MAP2: variants seen among roughly 807,000 people sequenced by gnomAD.
MAP2 encodes the protein microtubule associated protein 2, also known as microtubule-associated protein 2.
A neutral mutation model predicts 137.6 loss-of-function variants in MAP2; 14 were observed. The ratio of observed to expected loss-of-function variants is 0.10; its 90% CI spans 0.07 to 0.16. The LOEUF is 0.16. MAP2 is among the 10% of genes least tolerant of loss of function. The probability of loss-of-function intolerance (pLI) is 1.00; values close to 1 mark genes in which losing one functional copy is unlikely to be tolerated. For missense variants in MAP2, 2,088 were observed against 2,191.5 expected (o/e 0.95, Z 0.94); for synonymous variants, 786 against 782.3 (o/e 1.00, Z -0.08).
At chr2:209,654,598 A>T (rs1056543450) in intron 5 of MAP2, among the ~76,000 whole-genome samples, 1 of 152,224 alleles carries the variant, frequency 6.6e-6, no homozygotes, top group Non-Finnish European at 1.5e-5. Flanking sequence ...TATGGATGAC[A>T]TAGCACTCTT....
At chr2:209,561,638 A>C (rs550763799) in intron 2 of MAP2, among the ~76,000 whole-genome samples, 1 of 152,360 alleles carries the variant, frequency 6.6e-6, no homozygotes, top group South Asian at 2.1e-4. Context: ...TCTTATTTTT[A>C]TTACTTATAG....
intron 1 of MAP2, among the ~76,000 whole-genome samples, chr2:209,435,997 CTAT>C (rs1559159513): frequency 1.3e-5 from 1 of 78,412 alleles, no homozygotes; most frequent in Non-Finnish European, 2.2e-5. Flanking sequence ...ATATTATATA[CTAT>C]ATATACAGTA....
At chr2:209,457,250 A>T (rs992258332) in intron 1 of MAP2, among the ~76,000 whole-genome samples, 1 of 152,206 alleles carries the variant, frequency 6.6e-6, no homozygotes, top group Non-Finnish European at 1.5e-5. Flanking sequence ...GAGCTTTTGC[A>T]TAGATATTGG....
Position 209,631,005 on chromosome 2 carries a change from C to CAAAAAAAAAAAAAAAAAAAAA in MAP2, c.-30+5886_-30+5906dup, listed in dbSNP as rs776266690. ...TTTCAAGATTGAAGGGAGCTACAAG[C>CAAAAAAAAAAAAAAAAAAAAA]AAAAAAAAAAAAAAAAAAAAAAAAA... is the stretch of plus-strand genomic sequence containing the variant. On this transcript the variant is annotated intron_variant, in intron 4 of 15. Coordinates refer to ENST00000682079, the MANE Select transcript of MAP2 (RefSeq NM_001375505.1). 6.4e-4 allele frequency among the ~76,000 whole-genome samples: 27 copies of CAAAAAAAAAAAAAAAAAAAAA among 42,136 alleles called. 11 individuals carry two copies. Among genetic ancestry groups the CAAAAAAAAAAAAAAAAAAAAA allele is most frequent in the Non-Finnish European group, 9.5e-4 (21 of 22,070 alleles). The allele number at this position is 42,136 out of a possible 152,430, so 27.6% of individuals were successfully genotyped here. A position where few individuals can be genotyped will look rare whatever the true frequency, so the allele number is the denominator to read the frequency against.
Position 209,644,885 on chromosome 2 carries a change from T to C in MAP2, c.-29-8257T>C, listed in dbSNP as rs139946039. ...TTTCTTTTTTAGTAAAATGTATTTC[T>C]GATTTGCATCCTTAGTCCTGGAGTT... On this transcript the variant is annotated intron_variant, in intron 4 of 15. Coordinates refer to ENST00000682079, the MANE Select transcript of MAP2 (RefSeq NM_001375505.1). 5.7e-3 allele frequency among the ~76,000 whole-genome samples: 802 copies of C among 140,806 alleles called. 9 individuals are homozygous for C. The highest frequency in any genetic ancestry group is 0.023 in the African/African-American group (757 of 33,088). The allele number at this position is 140,806 out of a possible 152,430, so 92.4% of individuals were successfully genotyped here.
intron 3 of MAP2, among the ~76,000 whole-genome samples, chr2:209,590,341 A>C (rs1453656310): frequency 6.6e-6 from 1 of 152,060 alleles, no homozygotes; most frequent in Non-Finnish European, 1.5e-5. Context: ...TCAAATTAAG[A>C]ATTTTTTTTT....
chr2:209,669,250 A>T (rs1333533861), intron 5 of MAP2, among the ~76,000 whole-genome samples: 2 of 152,092 alleles, frequency 1.3e-5, no homozygotes, highest in Non-Finnish European at 2.9e-5. Flanking sequence ...GTGAAATCTG[A>T]TTACGCAGAA....
At chr2:209,670,587 T>A (rs181325796) in intron 5 of MAP2, among the ~76,000 whole-genome samples, 2 of 152,100 alleles carry the variant, frequency 1.3e-5, no homozygotes, top group South Asian at 2.1e-4. Context: ...AGGCCAGTTC[T>A]ATTAAACTCT....
At chr2:209,688,887 G>A (rs181336464) in intron 7 of MAP2, among the ~76,000 whole-genome samples, 1 of 152,204 alleles carries the variant, frequency 6.6e-6, no homozygotes, top group African/African-American at 2.4e-5. Context: ...CGTCTTCAAG[G>A]ACCCTTTTGA....
chr2:209,509,225 A>G (rs1025014789), intron 2 of MAP2, among the ~76,000 whole-genome samples: 1 of 151,970 alleles, frequency 6.6e-6, no homozygotes, highest in African/African-American at 2.4e-5. Flanking sequence ...GAAAAGAAAA[A>G]AGATTTTTGT....
chr2:209,565,238 G>A (rs1243893348), intron 2 of MAP2, among the ~76,000 whole-genome samples: 1 of 152,034 alleles, frequency 6.6e-6, no homozygotes, highest in Non-Finnish European at 1.5e-5. Flanking sequence ...ATTTTTTTGA[G>A]ACAGGAACTT....
intron 2 of MAP2, among the ~76,000 whole-genome samples, chr2:209,577,450 A>G (rs1346431630): frequency 6.6e-6 from 1 of 152,250 alleles, no homozygotes; most frequent in African/African-American, 2.4e-5. Context: ...ATTGAATCAT[A>G]TAAACTGAAT....
chr2:209,525,589 T>C (rs1559276988), intron 2 of MAP2, among the ~76,000 whole-genome samples: 1 of 152,160 alleles, frequency 6.6e-6, no homozygotes, highest in Non-Finnish European at 1.5e-5. Context: ...GAAAGGAAGA[T>C]AATTCTGCCT....
chr2:209,691,714 A>G (rs941348348), intron 7 of MAP2, among the ~76,000 whole-genome samples: 1 of 152,224 alleles, frequency 6.6e-6, no homozygotes, highest in Non-Finnish European at 1.5e-5. Context: ...GCACCTCTAA[A>G]GCCAATACTG....
chr2:209,579,392 CTG>C (rs1257621283), intron 2 of MAP2: 1 of 152,098 alleles, frequency 6.6e-6, no homozygotes, highest in African/African-American at 2.4e-5. Flanking sequence ...ATTAAAATGC[CTG>C]TCAGGCATTT....
chr2:209,649,823 G>A (rs1202450205), intron 4 of MAP2, among the ~76,000 whole-genome samples: 6 of 152,084 alleles, frequency 3.9e-5, no homozygotes, highest in Admixed American at 2.0e-4. Context: ...TTAGGTAATC[G>A]TTTTGATTTG....
chr2:209,628,624 A>T (rs2092664297), intron 4 of MAP2, among the ~76,000 whole-genome samples: 1 of 152,152 alleles, frequency 6.6e-6, no homozygotes. Flanking sequence ...CATCTTAATC[A>T]ATTGATATGA....
chr2:209,432,112 C>G (rs1341530765), intron 1 of MAP2, among the ~76,000 whole-genome samples: 1 of 152,078 alleles, frequency 6.6e-6, no homozygotes, highest in Non-Finnish European at 1.5e-5. Flanking sequence ...TAAGGGGAAT[C>G]CAACAAAAAT....
chr2:209,664,985 A>AG (rs2045636833), intron 5 of MAP2, among the ~76,000 whole-genome samples: 2 of 145,952 alleles, frequency 1.4e-5, no homozygotes, highest in South Asian at 2.3e-4. Flanking sequence ...AAAAAAAAAA[A>AG]AAGAAGAAGA....
Sources: gnomAD v4.1 joint callset for allele counts (sites outside exome capture counted in the v4.1 genomes callset) on GRCh38, gnomAD v4.1.1 for gene constraint, MANE v1.5 for transcripts, NCBI Gene and HGNC (gene_info 2026-07-23, HGNC 2026-07-21) for gene names.